PRKCQ: variants seen among roughly 807,000 people sequenced by gnomAD.
PRKCQ encodes the protein protein kinase C theta.
Under a neutral mutation model 91.2 loss-of-function variants are expected in PRKCQ, and 41 were observed. That is an observed-to-expected ratio of 0.45 (90% CI 0.35 to 0.58). The LOEUF is 0.58. Ranked by LOEUF, PRKCQ falls within the 20% of genes least tolerant of loss-of-function variation. The pLI is 0.00. For missense variants in PRKCQ, 673 were observed against 896.5 expected (o/e 0.75, Z 3.18); for synonymous variants, 307 against 316.9 (o/e 0.97, Z 0.33).
At chr10:6,521,169 G>A (rs1297289334) in intron 1 of PRKCQ, among the ~76,000 whole-genome samples, 1 of 152,144 alleles carries the variant, frequency 6.6e-6, no homozygotes. Flanking sequence ...GAGAGAAGGG[G>A]CCATGACTTC....
At chr10:6,559,780 C>G (rs958252654) in intron 1 of PRKCQ, among the ~76,000 whole-genome samples, 1 of 151,970 alleles carries the variant, frequency 6.6e-6, no homozygotes, top group Admixed American at 6.6e-5. Context: ...TCTAGAAATT[C>G]TCTTTACCTC....
At chr10:6,500,039 T>C (rs1293507002) in intron 4 of PRKCQ, among the ~76,000 whole-genome samples, 2 of 152,210 alleles carry the variant, frequency 1.3e-5, no homozygotes, top group African/African-American at 4.8e-5. Flanking sequence ...TGGGACATAA[T>C]ACTTTGCCTA....
At chr10:6,514,522 A>C (rs1588366643) in intron 2 of PRKCQ, among the ~76,000 whole-genome samples, 2 of 152,244 alleles carry the variant, frequency 1.3e-5, no homozygotes, top group East Asian at 3.8e-4. Context: ...TAGTGAGTGC[A>C]AAAGTACGTT....
intron 15 of PRKCQ, among the ~76,000 whole-genome samples, chr10:6,451,787 A>G (rs1190609506): frequency 6.6e-6 from 1 of 152,236 alleles, no homozygotes; most frequent in African/African-American, 2.4e-5. Context: ...GCAAATCAAT[A>G]AATGTAATCC....
chr10:6,446,397 C>T (rs1377004130), intron 15 of PRKCQ, among the ~76,000 whole-genome samples: 1 of 126,174 alleles, frequency 7.9e-6, no homozygotes, highest in East Asian at 2.3e-4. Flanking sequence ...CAGAGTCTCG[C>T]TTATGTTGGC....
At chr10:6,570,524 GT>G (rs1360655484) in intron 1 of PRKCQ, among the ~76,000 whole-genome samples, 2 of 151,698 alleles carry the variant, frequency 1.3e-5, no homozygotes, top group East Asian at 3.9e-4. Flanking sequence ...CCCAGGGGAG[GT>G]GAGCCTCAGA....
At chr10:6,482,727 C>T (rs890488452) in intron 11 of PRKCQ, among the ~76,000 whole-genome samples, 25 of 152,260 alleles carry the variant, frequency 1.6e-4, no homozygotes, top group Middle Eastern at 3.4e-3. Flanking sequence ...GACTCGGTTC[C>T]ACACAGCTGG....
At chr10:6,449,713 C>A (rs1008967795) in intron 15 of PRKCQ, among the ~76,000 whole-genome samples, 3 of 152,126 alleles carry the variant, frequency 2.0e-5, no homozygotes, top group African/African-American at 7.2e-5. Context: ...AAGGGAAGCC[C>A]GTCAGACTAA....
At chr10:6,433,560 G>A (rs1833523505) in intron 16 of PRKCQ, among the ~76,000 whole-genome samples, 1 of 152,044 alleles carries the variant, frequency 6.6e-6, no homozygotes, top group Non-Finnish European at 1.5e-5. Context: ...TAGAAAAGAA[G>A]CACCAAGTTC....
chr10:6,478,268 G>A (rs534105578), intron 12 of PRKCQ, among the ~76,000 whole-genome samples: 4 of 152,144 alleles, frequency 2.6e-5, no homozygotes, highest in African/African-American at 4.8e-5. Context: ...AGAATCTATA[G>A]AAGGAGAAAC....
At chr10:6,558,172 A>T (rs960455869) in intron 1 of PRKCQ, among the ~76,000 whole-genome samples, 2 of 152,092 alleles carry the variant, frequency 1.3e-5, no homozygotes, top group African/African-American at 4.8e-5. Flanking sequence ...GACCCACACA[A>T]CCTCTTTATT....
At chr10:6,482,274 C>T (rs1450788234) in intron 11 of PRKCQ, among the ~76,000 whole-genome samples, 1 of 152,144 alleles carries the variant, frequency 6.6e-6, no homozygotes, top group Non-Finnish European at 1.5e-5. Context: ...AAGGCAGGTC[C>T]TAATCCAATA....
the PRKCQ span, among the ~76,000 whole-genome samples, chr10:6,403,059 A>T: frequency 6.6e-6 from 1 of 151,976 alleles, no homozygotes; most frequent in Non-Finnish European, 1.5e-5. Flanking sequence ...CTACTCTCCT[A>T]TCCCTTCACT....
the PRKCQ span, among the ~76,000 whole-genome samples, chr10:6,404,255 G>GAGAAAGAGAGAGAGA: frequency 2.9e-5 from 1 of 34,360 alleles, no homozygotes; most frequent in African/African-American, 8.4e-5. Flanking sequence ...GAAGGGGGGG[G>GAGAAAGAGAGAGAGA]GAGAGAGAGA....
chr10:6,478,118 A>G (rs1033368360), intron 12 of PRKCQ, among the ~76,000 whole-genome samples: 1 of 152,340 alleles, frequency 6.6e-6, no homozygotes, highest in African/African-American at 2.4e-5. Context: ...AAAAAATTAG[A>G]GATGTTCTAG....
downstream of PRKCQ, among the ~76,000 whole-genome samples, chr10:6,426,320 C>T (rs1163382798): frequency 6.6e-6 from 1 of 152,202 alleles, no homozygotes; most frequent in Non-Finnish European, 1.5e-5. Context: ...CAGGGCTTCA[C>T]AGCAAATGCA....
At chr10:6,409,487 G>A in the PRKCQ span, among the ~76,000 whole-genome samples, 1 of 151,984 alleles carries the variant, frequency 6.6e-6, no homozygotes, top group Non-Finnish European at 1.5e-5. Context: ...TAGAGATGGG[G>A]TTTCACCAAG....
the PRKCQ span, among the ~76,000 whole-genome samples, chr10:6,404,955 T>C: frequency 2.3e-3 from 40 of 17,298 alleles, no homozygotes; most frequent in East Asian, 0.014. Context: ...TCCTTCCTTC[T>C]ATCCTTCCTT....
chr10:6,561,413 A>AAAAAAAT (rs1840631874), intron 1 of PRKCQ, among the ~76,000 whole-genome samples: 1 of 150,752 alleles, frequency 6.6e-6, no homozygotes, highest in African/African-American at 2.4e-5. Flanking sequence ...AGAAAAAAAG[A>AAAAAAAT]AATGTTTCCT....
Sources: gnomAD v4.1 joint callset for allele counts (sites outside exome capture counted in the v4.1 genomes callset) on GRCh38, gnomAD v4.1.1 for gene constraint, MANE v1.5 for transcripts, NCBI Gene and HGNC (gene_info 2026-07-23, HGNC 2026-07-21) for gene names.